Variants in MADD observed in about 807,000 individuals in gnomAD.
MADD encodes the protein MAP kinase activating death domain.
A neutral mutation model predicts 176.7 loss-of-function variants in MADD; 109 were observed. That is an observed-to-expected ratio of 0.62 (90% CI 0.53 to 0.72). MADD has a LOEUF of 0.72. Ranked by LOEUF, MADD falls within the 30% of genes least tolerant of loss-of-function variation. The pLI is 0.00. For synonymous variants in MADD, 771 were observed against 771.3 expected, an observed-to-expected ratio of 1.00 and a Z score of 0.01; for missense variants, 1,914 against 2,045.5, an observed-to-expected ratio of 0.94 and a Z score of 1.24.
rs989804195 is a variant in MADD at position 47,311,680 on chromosome 11, C to T, written c.3979-52C>T. 7 of 1,114,068 alleles carry T rather than the reference C, an allele frequency of 6.3e-6. No individual in the cohort carries two copies. The African/African-American group carries it at 9.2e-5, about 15-fold the overall frequency. 69.0% of individuals were successfully genotyped at this position (1,114,068 alleles called of 1,614,324 possible). On this transcript the variant is annotated intron_variant, in intron 25 of 32. Transcript: ENST00000402192. ...CTTGTACATTCTCTTTTCTCTACCT[C>T]AGTCGGGAGGAGAGCAGATCCCTTG...
At chr11:47,324,101 A>G (rs576804557) in intron 28 of MADD, 164 bp from the exon 32 acceptor site, 8 of 672,118 alleles carry the variant, frequency 1.2e-5, no homozygotes, top group Middle Eastern at 3.8e-4. Flanking sequence ...CTCCGGATCT[A>G]TCATTCATAA....
intron 21 of MADD, 136 bp downstream of exon 23, chr11:47,295,715 T>C: frequency 1.3e-6 from 2 of 1,541,554 alleles, no homozygotes; most frequent in Non-Finnish European, 1.7e-6. Context: ...TTTACCATCA[T>C]AGGTGTGTGT....
At chr11:47,280,334 A>G (rs1158829552) in intron 7 of MADD, among the ~76,000 whole-genome samples, 4 of 152,094 alleles carry the variant, frequency 2.6e-5, no homozygotes, top group East Asian at 1.9e-4. Flanking sequence ...TCTAGATGCT[A>G]TGTTTGGGTT....
rs80056940 is a variant in MADD, at chr11:47,278,908, T to C, written c.1210-91T>C. The C allele has an allele frequency of 2.9e-4, 282 of 966,282 alleles. 4 individuals carry two copies. In the East Asian group the frequency reaches 6.7e-3, roughly 23 times the overall value. 59.9% of individuals were successfully genotyped at this position (966,282 alleles called of 1,614,324 possible). ...TGTATATTCGTTTATATAATAATAA[T>C]GTATATACGTCCTCTTATTTTTATT... On this transcript the variant is annotated intron_variant, in intron 6 of 32. Coordinates refer to ENST00000402192, the Ensembl canonical transcript of MADD.
intron 3 of MADD, 148 bp from the exon 4 acceptor site, chr11:47,275,751 C>G (rs1481526362): frequency 1.5e-5 from 11 of 729,556 alleles, no homozygotes; most frequent in Non-Finnish European, 2.5e-5. Flanking sequence ...TATATACTTT[C>G]CGGTCCTATC....
At chr11:47,295,572 G>A in exon 21 of MADD, 1 of 1,614,068 alleles carries the variant, frequency 6.2e-7, no homozygotes, top group Non-Finnish European at 8.5e-7. Context: ...TCTGAAGTTA[G>A]CACCGTGGTA....
intron 32 of MADD, 64 bp downstream of exon 36, chr11:47,328,768 A>G (rs2095747389): frequency 6.2e-7 from 1 of 1,605,518 alleles, no homozygotes; most frequent in African/African-American, 1.3e-5. Context: ...ACCTTCGGAC[A>G]GGAGGAGGGG....
intron 7 of MADD, among the ~76,000 whole-genome samples, chr11:47,280,982 G>C (rs1056362824): frequency 2.6e-5 from 4 of 152,174 alleles, no homozygotes; most frequent in Non-Finnish European, 4.4e-5. Context: ...CATCACTCGG[G>C]CTTGTTAAAG....
chr11:47,289,107 C>A, intron 15 of MADD, 80 bp downstream of exon 16: 1 of 1,381,018 alleles, frequency 7.2e-7, no homozygotes, highest in South Asian at 1.4e-5. Flanking sequence ...CCATCCTTCT[C>A]ATGGAGCAAG....
At chr11:47,272,060 T>C (rs1294812012) in intron 1 of MADD, 1 of 152,182 alleles carries the variant, frequency 6.6e-6, no homozygotes, top group Non-Finnish European at 1.5e-5. Context: ...TACAGACAGA[T>C]GAGGGAGAAG....
chr11:47,281,073 T>G (rs2056233615), intron 7 of MADD, among the ~76,000 whole-genome samples: 1 of 152,196 alleles, frequency 6.6e-6, no homozygotes, highest in Admixed American at 6.5e-5. Flanking sequence ...CACTCACATT[T>G]GAGAAGCACT....
intron 20 of MADD, 58 bp downstream of exon 22, chr11:47,294,041 CTTT>C: frequency 2.2e-6 from 3 of 1,354,652 alleles, no homozygotes; most frequent in Non-Finnish European, 2.1e-6. Context: ...CAGAATACTT[CTTT>C]AAGTTAAAAT....
intron 19 of MADD, 141 bp from the exon 21 acceptor site, chr11:47,292,402 A>T (rs972608566): frequency 5.4e-6 from 4 of 745,628 alleles, no homozygotes; most frequent in Non-Finnish European, 7.2e-6. Context: ...CCTTCTCCCC[A>T]TGAAGATATC....
At chr11:47,288,033 C>T (rs1171702372) in intron 15 of MADD, among the ~76,000 whole-genome samples, 9 of 152,022 alleles carry the variant, frequency 5.9e-5, no homozygotes, top group South Asian at 4.1e-4. Context: ...GTGATCTACC[C>T]GCCTTGGCCT....
intron 30 of MADD, 171 bp downstream of exon 33, chr11:47,324,748 T>C: frequency 4.2e-6 from 3 of 707,496 alleles, no homozygotes; most frequent in South Asian, 3.0e-5. Flanking sequence ...CACAGTGACG[T>C]TGGCGACCAC....
intron 27 of MADD, among the ~76,000 whole-genome samples, chr11:47,322,606 G>T (rs192680028): frequency 2.8e-4 from 42 of 152,012 alleles, no homozygotes; most frequent in African/African-American, 9.6e-4. Flanking sequence ...AGCGAGATCC[G>T]TCTCAAAAAG....
At chr11:47,273,971 G>A (rs745400330) in exon 2 of MADD, 42 of 1,613,754 alleles carry the variant, frequency 2.6e-5, no homozygotes, top group Admixed American at 6.7e-5. Flanking sequence ...TGATCGTAGG[G>A]GCCAGGTAAC....
chr11:47,282,238 G>A (rs2057470791), intron 8 of MADD, 143 bp from the exon 9 acceptor site: 1 of 641,266 alleles, frequency 1.6e-6, no homozygotes, highest in Non-Finnish European at 2.7e-6. Context: ...AGGATGAAGA[G>A]GGGGCTGATG....
At chr11:47,284,895 A>G (rs757123495) in intron 12 of MADD, 46 bp from the exon 13 acceptor site, 1 of 1,607,070 alleles carries the variant, frequency 6.2e-7, no homozygotes, top group Non-Finnish European at 8.5e-7. Context: ...ACAGGAAGGT[A>G]CCATTGGGCA....
Sources: allele counts gnomAD v4.1 joint callset (sites outside exome capture counted in the v4.1 genomes callset), GRCh38; gene constraint gnomAD v4.1.1; transcripts MANE v1.5; gene names NCBI Gene and HGNC (gene_info 2026-07-23, HGNC 2026-07-21).